The following MKLN1 variants were observed in gnomAD, a reference collection of about 807,000 sequenced individuals.
MKLN1 encodes muskelin.
In MKLN1, 18 loss-of-function variants were observed where a neutral mutation model predicts 99.0. That is an observed-to-expected ratio of 0.18 (90% confidence interval 0.13 to 0.27). The LOEUF (loss-of-function observed/expected upper bound fraction) is 0.27. Among genes scored for constraint, MKLN1 ranks in the 10% least tolerant of loss-of-function variants. MKLN1 has a pLI of 1.00. For missense variants in MKLN1, 621 were observed against 875.9 expected (o/e 0.71, Z 3.67); for synonymous variants, 288 against 293.2 (o/e 0.98, Z 0.18).
chr7:131,347,004 T>C (rs12540114), intron 1 of MKLN1, among the ~76,000 whole-genome samples: 8,017 of 152,292 alleles, frequency 0.053, 303 homozygotes, highest in Non-Finnish European at 0.075. Context: ...CATGGCTTAA[T>C]GAGCAGATGA....
At chr7:131,469,702 C>A (rs981163442) in intron 15 of MKLN1, among the ~76,000 whole-genome samples, 1 of 152,308 alleles carries the variant, frequency 6.6e-6, no homozygotes, top group East Asian at 1.9e-4. Context: ...GAAAATTCAT[C>A]TTTTCCTTGT....
chr7:131,474,314 T>G (rs1405568140), intron 16 of MKLN1, among the ~76,000 whole-genome samples: 1 of 152,210 alleles, frequency 6.6e-6, no homozygotes, highest in Admixed American at 6.5e-5. Context: ...TACTATCAAC[T>G]GAAGTGAGAA....
chr7:131,327,873 G>T (rs1463744999), upstream of MKLN1: 2 of 1,607,198 alleles, frequency 1.2e-6, no homozygotes, highest in African/African-American at 2.7e-5. Context: ...GCCAGCGGTC[G>T]GTGGCGGCCG....
chr7:131,199,996 C>A (rs1796704098), intron 2 of MKLN1, among the ~76,000 whole-genome samples: 1 of 152,132 alleles, frequency 6.6e-6, no homozygotes, highest in South Asian at 2.1e-4. Context: ...CTGCACCCAG[C>A]CTTGTAATTT....
rs564500062 is a variant in MKLN1 at position 131,159,482 on chromosome 7, C to A, written c.-297+16541C>A. ...AAGCCAGGCACAGTGAGACAAATAT[C>A]AAATGTTCTCACTCATATCTGAGAG... On this transcript the variant is annotated intron_variant, in intron 2 of 7. Coordinates refer to the MKLN1 transcript ENST00000416992. Among the ~76,000 whole-genome samples the A allele has an allele frequency of 2.3e-3, 357 of 152,130 alleles. 4 individuals are homozygous for A. In the Middle Eastern group the frequency reaches 0.027, roughly 12 times the overall value.
intron 3 of MKLN1, among the ~76,000 whole-genome samples, chr7:131,217,675 G>A (rs558829454): frequency 6.6e-6 from 1 of 152,354 alleles, no homozygotes; most frequent in South Asian, 2.1e-4. Flanking sequence ...TCCAGCCTGG[G>A]CGAAAGAGTG....
intron 15 of MKLN1, among the ~76,000 whole-genome samples, chr7:131,470,040 T>A (rs1796775113): frequency 1.3e-5 from 2 of 152,174 alleles, no homozygotes; most frequent in Non-Finnish European, 2.9e-5. Context: ...CGCACCTGGC[T>A]AATTTTTGTA....
chr7:131,248,586 C>T (rs762909789), intron 3 of MKLN1, among the ~76,000 whole-genome samples: 10 of 152,120 alleles, frequency 6.6e-5, no homozygotes, highest in Non-Finnish European at 1.0e-4. Context: ...TGTGTTGCTC[C>T]GTCCTCTACC....
chr7:131,233,968 CT>C (rs1244983338), intron 3 of MKLN1, among the ~76,000 whole-genome samples: 1 of 151,760 alleles, frequency 6.6e-6, no homozygotes, highest in Non-Finnish European at 1.5e-5. Flanking sequence ...TTTTTCTTTC[CT>C]TTTCTTTTTA....
intron 2 of MKLN1, among the ~76,000 whole-genome samples, chr7:131,180,287 C>G (rs564829257): frequency 1.3e-5 from 2 of 152,246 alleles, no homozygotes; most frequent in East Asian, 3.9e-4. Flanking sequence ...AGGACTCGTT[C>G]CCAAGAGCAA....
intron 1 of MKLN1, among the ~76,000 whole-genome samples, chr7:131,330,973 T>C (rs1799056250): frequency 6.6e-6 from 1 of 152,216 alleles, no homozygotes; most frequent in Non-Finnish European, 1.5e-5. Flanking sequence ...CCTAATTTAA[T>C]AATTAAATAC....
intron 8 of MKLN1, among the ~76,000 whole-genome samples, chr7:131,419,175 C>T (rs1795115380): frequency 6.9e-6 from 1 of 145,946 alleles, no homozygotes; most frequent in Admixed American, 6.9e-5. Context: ...AAACGGTGTG[C>T]AAAATTTTTG....
chr7:131,223,015 A>G (rs1797084230), intron 3 of MKLN1, among the ~76,000 whole-genome samples: 2 of 152,178 alleles, frequency 1.3e-5, no homozygotes, highest in South Asian at 4.1e-4. Context: ...ACTTTTGGTG[A>G]CAGAGCAAGA....
intron 8 of MKLN1, among the ~76,000 whole-genome samples, chr7:131,426,053 G>T (rs1250550845): frequency 6.6e-6 from 1 of 152,146 alleles, no homozygotes; most frequent in Admixed American, 6.5e-5. Flanking sequence ...TTAAACTTCA[G>T]CTGGGACCAC....
chr7:131,255,436 G>A (rs941808085), intron 3 of MKLN1, among the ~76,000 whole-genome samples: 1 of 152,154 alleles, frequency 6.6e-6, no homozygotes, highest in Non-Finnish European at 1.5e-5. Flanking sequence ...CAATGTATAA[G>A]GAAATTCAAA....
intron 3 of MKLN1, among the ~76,000 whole-genome samples, chr7:131,246,335 G>A (rs1797489007): frequency 6.6e-6 from 1 of 152,134 alleles, no homozygotes; most frequent in South Asian, 2.1e-4. Flanking sequence ...CCCAGCCAGG[G>A]GTGTTAAAAT....
chr7:131,476,933 C>T (rs1387474134), intron 16 of MKLN1, among the ~76,000 whole-genome samples: 2 of 152,150 alleles, frequency 1.3e-5, no homozygotes, highest in Admixed American at 6.5e-5. Flanking sequence ...TAGACCCATA[C>T]GTATGTGGTC....
chr7:131,220,619 A>G (rs1457611404), intron 3 of MKLN1, among the ~76,000 whole-genome samples: 1 of 152,156 alleles, frequency 6.6e-6, no homozygotes, highest in Admixed American at 6.5e-5. Context: ...ATCAGTTGGT[A>G]GAAGAGTGTA....
chr7:131,139,742 C>G lies in MKLN1; in HGVS notation c.-418-3078C>G, dbSNP rs1389896408. Reference sequence around the variant, plus strand: ...TCATGCTTCACAGTGGGCCATGGACCAGGAAGTCTGTGTGGACCTCAGAGG... The same window carrying G: ...TCATGCTTCACAGTGGGCCATGGACGAGGAAGTCTGTGTGGACCTCAGAGG... On this transcript the variant is annotated intron_variant, in intron 1 of 7. Coordinates refer to the MKLN1 transcript ENST00000416992. Among the ~76,000 whole-genome samples the G allele has an allele frequency of 2.0e-5, 3 of 152,148 alleles. No individual in the cohort carries two copies. The East Asian group carries it at 5.8e-4, about 29-fold the overall frequency.
Sources: allele counts gnomAD v4.1 joint callset (sites outside exome capture counted in the v4.1 genomes callset), GRCh38; gene constraint gnomAD v4.1.1; transcripts MANE v1.5; gene names NCBI Gene and HGNC (gene_info 2026-07-23, HGNC 2026-07-21).